TOPBP1: variants seen among roughly 807,000 people sequenced by gnomAD.
TOPBP1 encodes DNA topoisomerase 2-binding protein 1.
Under a neutral mutation model 167.7 loss-of-function variants are expected in TOPBP1, and 28 were observed. That is an observed-to-expected ratio of 0.17 (90% CI 0.12 to 0.23). The LOEUF is 0.23. Among genes scored for constraint, TOPBP1 ranks in the 10% least tolerant of loss-of-function variants. The pLI is 1.00. For synonymous variants in TOPBP1, 598 were observed against 611.4 expected, an observed-to-expected ratio of 0.98 and a Z score of 0.32; for missense variants, 1,554 against 1,809.6, an observed-to-expected ratio of 0.86 and a Z score of 2.56.
chr3:133,643,195 C>T lies in TOPBP1; in HGVS notation c.2021+5G>A. On this transcript the variant is annotated splice_donor_5th_base_variant and intron_variant, in intron 12 of 27. Transcript: ENST00000260810. Reference sequence around the variant, plus strand: ...TACAACAGGTGCATTAAAAATATTACATACCTTGCTCCAAGGAGGTTTGCT... The same window carrying T: ...TACAACAGGTGCATTAAAAATATTATATACCTTGCTCCAAGGAGGTTTGCT... The T allele has an allele frequency of 1.3e-6, 2 of 1,572,722 alleles. No individual in the cohort carries two copies. The highest frequency in any genetic ancestry group is 1.7e-6 in the Non-Finnish European group (2 of 1,165,328).
rs373338537 is a variant in TOPBP1, at chr3:133,608,410, G to A, written c.4425+125C>T. The A allele has an allele frequency of 9.5e-5, 100 of 1,050,500 alleles. 2 individuals are homozygous for A. Among genetic ancestry groups the A allele is most frequent in the African/African-American group, 6.9e-4 (43 of 62,700 alleles). 65.1% of individuals were successfully genotyped at this position (1,050,500 alleles called of 1,614,324 possible). ...GAATAAAACTGAAAGGGCTGGAATA[G>A]AAGAGAATAACAGGAGACTAATCTT... is the stretch of plus-strand genomic sequence containing the variant. On this transcript the variant is annotated intron_variant, in intron 27 of 27. Transcript: ENST00000260810.
At chr3:133,620,418 T>C in intron 19 of TOPBP1, 71 bp from the exon 20 acceptor site, 1 of 1,485,508 alleles carries the variant, frequency 6.7e-7, no homozygotes, top group Non-Finnish European at 9.1e-7. Flanking sequence ...TTAACTATTT[T>C]GTTTAGACCT....
Position 133,608,943 on chromosome 3 carries a change from T to C in TOPBP1, c.4193A>G (p.Lys1398Arg), listed in dbSNP as rs1040536306. Residue 1398 changes from lysine to arginine, a missense_variant, in exon 26 of 28, where the codon AAG (lysine) becomes AGG (arginine). Lys to Arg is a conservative substitution (Grantham distance 26). Transcript: ENST00000260810. ...GIVEGAFSGW[K>R]VILHVDQSRE... is the part of the protein sequence containing the mutation. ...AGACTGATCCACATGTAAAATAACC[T>C]TCCACCCACTAAATGCTCCCTACAA... 1 of 1,612,532 alleles carries C rather than the reference T, an allele frequency of 6.2e-7. No homozygotes were observed. Among genetic ancestry groups the C allele is most frequent in the African/African-American group, 1.3e-5 (1 of 74,874 alleles).
At chr3:133,637,521 A>T (rs1220472059) in intron 14 of TOPBP1, among the ~76,000 whole-genome samples, 1 of 152,190 alleles carries the variant, frequency 6.6e-6, no homozygotes, top group African/African-American at 2.4e-5. Flanking sequence ...TTATAAAGTG[A>T]TTTCATCATT....
intron 19 of TOPBP1, among the ~76,000 whole-genome samples, chr3:133,621,442 CAATT>C (rs1391859273): frequency 6.6e-6 from 1 of 152,052 alleles, no homozygotes; most frequent in African/African-American, 2.4e-5. Flanking sequence ...AAAAATATCA[CAATT>C]AAAAGTACCA....
rs62282390 is a variant in TOPBP1 at position 133,600,558 on chromosome 3, C to T, written c.*692G>A. ...CCAGGCCCCTGCAATTCATTTTTTA[C>T]GTTACATAAATGTTTTGTTGCTTCA... On this transcript the variant is annotated 3_prime_UTR_variant, in exon 28 of 28. Transcript: ENST00000260810. 21,349 of 152,498 alleles carry T rather than the reference C, an allele frequency of 0.14. 1,846 individuals are homozygous for T. Among genetic ancestry groups the T allele is most frequent in the Non-Finnish European group, 0.2 (13,581 of 67,994 alleles). 9.4% of individuals were successfully genotyped at this position (152,498 alleles called of 1,614,324 possible).
At chr3:133,625,310 A>C (rs2107790441) in intron 16 of TOPBP1, among the ~76,000 whole-genome samples, 1 of 152,330 alleles carries the variant, frequency 6.6e-6, no homozygotes, top group South Asian at 2.1e-4. Context: ...GTAAAAACCA[A>C]AGGGTAGGTA....
intron 5 of TOPBP1, among the ~76,000 whole-genome samples, chr3:133,656,126 C>G (rs1936473005): frequency 6.6e-6 from 1 of 151,176 alleles, no homozygotes; most frequent in African/African-American, 2.4e-5. Context: ...GAAATAGGCT[C>G]TAAGCTCCAT....
At position 133,610,911 on chromosome 3, in the gene TOPBP1, T is replaced by C; in HGVS notation, c.4173+93A>G. 1.5e-6 allele frequency: 2 copies of C among 1,344,646 alleles called. 1 individual carries two copies. Among genetic ancestry groups the C allele is most frequent in the South Asian group, 3.9e-5 (2 of 51,064 alleles). 83.3% of individuals were successfully genotyped at this position (1,344,646 alleles called of 1,614,324 possible). ...GGGGAAAAAAGACAAGTAGAATCAT[T>C]ATTTCCTGAAGCACATTCTCTTTTA... On this transcript the variant is annotated intron_variant, in intron 25 of 27. Transcript: ENST00000260810.
At chr3:133,615,500 C>G (rs1478890012) in intron 23 of TOPBP1, among the ~76,000 whole-genome samples, 1 of 151,868 alleles carries the variant, frequency 6.6e-6, no homozygotes, top group African/African-American at 2.4e-5. Flanking sequence ...AAAAACCCCA[C>G]CAATATTTCT....
At chr3:133,660,857 C>A (rs910368223) in intron 2 of TOPBP1, among the ~76,000 whole-genome samples, 187 bp downstream of exon 2, 1 of 151,992 alleles carries the variant, frequency 6.6e-6, no homozygotes, top group East Asian at 1.9e-4. Flanking sequence ...TTCCAGCCCC[C>A]CGAAATACAT....
chr3:133,613,605 G>A (rs142649459), intron 23 of TOPBP1, among the ~76,000 whole-genome samples: 10 of 152,250 alleles, frequency 6.6e-5, no homozygotes, highest in African/African-American at 2.4e-4. Context: ...AATAAGAGAT[G>A]AAGCAGCAGG....
At chr3:133,605,382 C>T (rs985075920) in intron 27 of TOPBP1, among the ~76,000 whole-genome samples, 8 of 148,688 alleles carry the variant, frequency 5.4e-5, no homozygotes, top group Admixed American at 1.3e-4. Flanking sequence ...AATATCCCAC[C>T]CTGAAAACAA....
rs773082351 is a variant in TOPBP1, at chr3:133,649,823, A to C, written c.1210T>G (p.Tyr404Asp). The change falls in exon 9 of 28, where the codon TAT becomes GAT. Residue 404 changes from tyrosine to aspartate, a missense_variant. Tyr to Asp is a radical substitution (Grantham distance 160, BLOSUM62 -3). Coordinates refer to ENST00000260810, the MANE Select transcript of TOPBP1 (RefSeq NM_007027.4). ...EDVTHVIVGD[Y>D]DDELKQFWNK... ...CAAAACTGCTTCAATTCATCATCAT[A>C]ATCTCCCACAATAACATGAGTTACA... The C allele has an allele frequency of 9.9e-6, 16 of 1,611,286 alleles. No individual in the cohort carries two copies. Among genetic ancestry groups the C allele is most frequent in the South Asian group, 7.8e-5 (7 of 89,830 alleles).
intron 20 of TOPBP1, among the ~76,000 whole-genome samples, 172 bp downstream of exon 20, chr3:133,619,983 T>C (rs1246282360): frequency 2.0e-5 from 3 of 152,218 alleles, no homozygotes; most frequent in Non-Finnish European, 2.9e-5. Flanking sequence ...GGCCTAGGCA[T>C]ATAACCCCTT....
Position 133,659,020 on chromosome 3 carries a change from T to C in TOPBP1, c.215A>G (p.Lys72Arg). 6.3e-7 allele frequency: 1 copy of C among 1,597,578 alleles called. No individual in the cohort carries two copies. The highest frequency in any genetic ancestry group is 1.1e-5 in the South Asian group (1 of 87,284). ...PFSGVVFDHL[K>R]KLGCRIVGPQ... Reference sequence around the variant, plus strand: ...ACACACTAGAAGTCAGCAAACCTTTTTGAGGTGATCAAAGACAACGCCACT... The same window carrying C: ...ACACACTAGAAGTCAGCAAACCTTTCTGAGGTGATCAAAGACAACGCCACT... Residue 72 changes from lysine (K) to arginine (R), a missense_variant, in exon 3 of 28, where the codon AAA becomes AGA. Transcript: ENST00000260810.
intron 24 of TOPBP1, among the ~76,000 whole-genome samples, chr3:133,611,400 T>C (rs944407853): frequency 3.1e-4 from 47 of 152,214 alleles, no homozygotes; most frequent in Non-Finnish European, 5.9e-5. Flanking sequence ...AACAAAATGA[T>C]AGCTATATCT....
chr3:133,652,635 T>C lies in TOPBP1; in HGVS notation c.923-6A>G, dbSNP rs1936343760. ...GACATCTGAAAGAGTACGACCTACATATTTTGAAAACGTATAAATTTATGG... is the reference window on the plus strand; with the variant it reads ...GACATCTGAAAGAGTACGACCTACACATTTTGAAAACGTATAAATTTATGG... On this transcript the variant is annotated splice_polypyrimidine_tract_variant and splice_region_variant and intron_variant, in intron 7 of 27. Transcript: ENST00000260810. 1 of 1,588,780 alleles carries C rather than the reference T, an allele frequency of 6.3e-7. No individual in the cohort carries two copies. Among genetic ancestry groups the C allele is most frequent in the African/African-American group, 1.4e-5 (1 of 73,412 alleles).
chr3:133,616,751 A>T, intron 23 of TOPBP1, 63 bp downstream of exon 23: 1 of 924,926 alleles, frequency 1.1e-6, no homozygotes, highest in Non-Finnish European at 1.6e-6. Flanking sequence ...AATATTGACT[A>T]CATTTGACTT....
Sources: gnomAD v4.1 joint callset for allele counts (sites outside exome capture counted in the v4.1 genomes callset) on GRCh38, gnomAD v4.1.1 for gene constraint, MANE v1.5 for transcripts, NCBI Gene and HGNC (gene_info 2026-07-23, HGNC 2026-07-21) for gene names.